CSMD1: variants seen among roughly 807,000 people sequenced by gnomAD.
CSMD1 encodes the protein CUB and Sushi multiple domains 1, also known as CUB and sushi domain-containing protein 1.
Under a neutral mutation model 417.5 loss-of-function variants are expected in CSMD1, and 213 were observed. The ratio of observed to expected loss-of-function variants is 0.51; its 90% CI spans 0.46 to 0.57. CSMD1 has a LOEUF of 0.57. Among genes scored for constraint, CSMD1 ranks in the 20% least tolerant of loss-of-function variants. CSMD1 has a pLI of 0.00. For missense variants in CSMD1, 6,923 were observed against 4,529.7 expected (o/e 1.53, Z -15.17); for synonymous variants, 2,862 against 1,736.8 (o/e 1.65, Z -16.11).
At chr8:3,483,164 A>C (rs956930816) in intron 11 of CSMD1, among the ~76,000 whole-genome samples, 1 of 152,116 alleles carries the variant, frequency 6.6e-6, no homozygotes, top group Non-Finnish European at 1.5e-5. Context: ...CAGTAGAAAA[A>C]ATAACGAAAC....
chr8:3,983,314 T>C (rs1354379391), intron 5 of CSMD1, among the ~76,000 whole-genome samples: 1 of 151,942 alleles, frequency 6.6e-6, no homozygotes, highest in African/African-American at 2.4e-5. Context: ...GTATTTTTAG[T>C]AGAGATGGGG....
chr8:3,898,272 T>A (rs1389809419), intron 5 of CSMD1, among the ~76,000 whole-genome samples: 1 of 152,044 alleles, frequency 6.6e-6, no homozygotes, highest in Admixed American at 6.6e-5. Flanking sequence ...GAAGCATGAA[T>A]ACAACCAAAA....
At chr8:3,876,364 G>A (rs528831914) in intron 5 of CSMD1, among the ~76,000 whole-genome samples, 2 of 152,270 alleles carry the variant, frequency 1.3e-5, no homozygotes, top group South Asian at 4.1e-4. Flanking sequence ...CATGTATAGT[G>A]TTGTCCTAGA....
At position 4,531,315 on chromosome 8, in the gene CSMD1, A is replaced by T. The variant is rs141956507; in HGVS notation, c.302+106027T>A. Among the ~76,000 whole-genome samples the T allele has an allele frequency of 9.9e-3, 1,504 of 152,316 alleles. 6 individuals are homozygous for T. Among genetic ancestry groups the T allele is most frequent in the Middle Eastern group, 0.034 (10 of 294 alleles). On this transcript the variant is annotated intron_variant, in intron 2 of 69. Coordinates refer to ENST00000635120, the MANE Select transcript of CSMD1 (RefSeq NM_033225.6). ...CTAAACCCGATGTGCCGTGGAATGT[A>T]TTCAGGTCATTTAATCATAAGCTTC... is the stretch of plus-strand genomic sequence containing the variant.
chr8:3,576,073 T>A (rs1264719796), intron 9 of CSMD1, among the ~76,000 whole-genome samples: 1 of 152,132 alleles, frequency 6.6e-6, no homozygotes, highest in Non-Finnish European at 1.5e-5. Flanking sequence ...TAGCCCATCC[T>A]CTATTTTTTC....
intron 1 of CSMD1, among the ~76,000 whole-genome samples, chr8:4,726,930 T>C (rs1809498036): frequency 1.3e-5 from 2 of 152,152 alleles, no homozygotes; most frequent in African/African-American, 4.8e-5. Context: ...GAATTTCTTC[T>C]GGGGATTGTA....
chr8:4,610,219 G>C (rs1801094862), intron 2 of CSMD1, among the ~76,000 whole-genome samples: 1 of 152,112 alleles, frequency 6.6e-6, no homozygotes, highest in Non-Finnish European at 1.5e-5. Flanking sequence ...GGATACAGAT[G>C]CAAGAAAGAG....
chr8:3,911,128 T>C (rs555015649), intron 5 of CSMD1, among the ~76,000 whole-genome samples: 1 of 152,132 alleles, frequency 6.6e-6, no homozygotes, highest in African/African-American at 2.4e-5. Flanking sequence ...AGGTTGCCAA[T>C]CACAGGACTC....
intron 49 of CSMD1, among the ~76,000 whole-genome samples, chr8:3,082,241 G>A (rs1585302103): frequency 6.6e-6 from 1 of 152,118 alleles, no homozygotes; most frequent in East Asian, 1.9e-4. Flanking sequence ...ATTATGCCAC[G>A]GAAAGATCAA....
chr8:4,193,782 G>A (rs575758815), intron 3 of CSMD1, among the ~76,000 whole-genome samples: 1 of 152,184 alleles, frequency 6.6e-6, no homozygotes, highest in East Asian at 1.9e-4. Context: ...ATCGGACAGG[G>A]ATGACATCGA....
chr8:3,101,424 C>G (rs1020265563), intron 46 of CSMD1, among the ~76,000 whole-genome samples: 2 of 152,148 alleles, frequency 1.3e-5, no homozygotes, highest in Non-Finnish European at 2.9e-5. Flanking sequence ...CCATATAAGG[C>G]TGACTACTTT....
At chr8:3,195,423 T>A (rs1178103897) in intron 33 of CSMD1, among the ~76,000 whole-genome samples, 1 of 152,222 alleles carries the variant, frequency 6.6e-6, no homozygotes, top group African/African-American at 2.4e-5. Flanking sequence ...AGTCTCTAAA[T>A]GCAATGTAAT....
rs142547380 is a variant in CSMD1 at position 3,646,368 on chromosome 8, T to C, written c.1010-29571A>G. Among the ~76,000 whole-genome samples, 526 of 152,320 alleles carry C rather than the reference T, an allele frequency of 3.5e-3. 5 individuals carry two copies. The highest frequency in any genetic ancestry group is 0.012 in the African/African-American group (501 of 41,574). ...ATTTTTATATGTATTTTCCAACTTT[T>C]TTCTATGCATGCATTGCTTTGTAAT... On this transcript the variant is annotated intron_variant, in intron 7 of 69. Coordinates refer to ENST00000635120, the MANE Select transcript of CSMD1 (RefSeq NM_033225.6).
intron 7 of CSMD1, among the ~76,000 whole-genome samples, chr8:3,634,400 G>A (rs1462486044): frequency 6.6e-6 from 1 of 152,206 alleles, no homozygotes; most frequent in East Asian, 1.9e-4. Flanking sequence ...GAGAGCTTCT[G>A]TGGTCTGCAA....
intron 1 of CSMD1, among the ~76,000 whole-genome samples, chr8:4,797,126 A>C (rs375462912): frequency 1.3e-5 from 2 of 152,218 alleles, no homozygotes; most frequent in East Asian, 3.9e-4. Flanking sequence ...GTGATTGCAG[A>C]GGCCATGGAA....
chr8:3,984,215 T>A (rs551442522), intron 5 of CSMD1, among the ~76,000 whole-genome samples: 2 of 152,262 alleles, frequency 1.3e-5, no homozygotes, highest in East Asian at 1.9e-4. Flanking sequence ...CCCAGCCACC[T>A]GCACAGTGAA....
At chr8:3,534,460 C>A (rs1365834997) in intron 10 of CSMD1, among the ~76,000 whole-genome samples, 1 of 149,030 alleles carries the variant, frequency 6.7e-6, no homozygotes, top group Non-Finnish European at 1.5e-5. Flanking sequence ...GAGGATCACA[C>A]TTATGACACC....
intron 5 of CSMD1, among the ~76,000 whole-genome samples, chr8:3,858,883 G>C (rs371842203): frequency 6.6e-6 from 1 of 152,162 alleles, no homozygotes; most frequent in East Asian, 1.9e-4. Flanking sequence ...GGTTTATCGT[G>C]ACAATGTAAA....
intron 10 of CSMD1, among the ~76,000 whole-genome samples, chr8:3,551,017 A>T (rs1478548451): frequency 6.6e-6 from 1 of 152,198 alleles, no homozygotes; most frequent in African/African-American, 2.4e-5. Context: ...GCAATGCATT[A>T]GTCAGGATCA....
Sources: gnomAD v4.1 joint callset for allele counts (sites outside exome capture counted in the v4.1 genomes callset) on GRCh38, gnomAD v4.1.1 for gene constraint, MANE v1.5 for transcripts, NCBI Gene and HGNC (gene_info 2026-07-23, HGNC 2026-07-21) for gene names.